The following MYO1E variants were observed in gnomAD, a reference collection of about 807,000 sequenced individuals.
The protein encoded by MYO1E is myosin IE, also known as unconventional myosin-Ie.
MYO1E carries 68 observed loss-of-function variants against 151.1 expected under a neutral mutation model. That is an observed-to-expected ratio of 0.45 (90% confidence interval 0.37 to 0.55). The LOEUF is 0.55. Ranked by LOEUF, MYO1E falls within the 20% of genes least tolerant of loss-of-function variation. The probability of loss-of-function intolerance (pLI) is 0.00; values close to 1 mark genes in which losing one functional copy is unlikely to be tolerated. For synonymous variants in MYO1E, 601 were observed against 501.7 expected, an observed-to-expected ratio of 1.20 and a Z score of -2.64; for missense variants, 1,363 against 1,389.3, an observed-to-expected ratio of 0.98 and a Z score of 0.30.
chr15:59,174,346 C>CG (rs1209822003), intron 19 of MYO1E, 106 bp from the exon 20 acceptor site: 1 of 791,694 alleles, frequency 1.3e-6, no homozygotes, highest in African/African-American at 1.7e-5. Flanking sequence ...ATGACACACA[C>CG]GGGAAGCAGC....
chr15:59,219,365 T>C (rs2079939860), intron 9 of MYO1E, among the ~76,000 whole-genome samples: 1 of 152,272 alleles, frequency 6.6e-6, no homozygotes. Context: ...GGCTGAGTTT[T>C]CTTTTTCTGC....
At chr15:59,319,550 CTTTTTTTT>C (rs59491381) in intron 1 of MYO1E, among the ~76,000 whole-genome samples, 25 of 63,712 alleles carry the variant, frequency 3.9e-4, no homozygotes, top group African/African-American at 8.0e-4. Context: ...GTCAAACTAC[CTTTTTTTT>C]TTTTTTTTTT....
intron 24 of MYO1E, among the ~76,000 whole-genome samples, chr15:59,160,675 T>TCC (rs1384739753): frequency 6.6e-6 from 1 of 152,042 alleles, no homozygotes; most frequent in African/African-American, 2.4e-5. Flanking sequence ...GGCCTTGGCC[T>TCC]CCCAAGGTGC....
chr15:59,326,661 A>T (rs769654527), intron 1 of MYO1E, among the ~76,000 whole-genome samples: 1 of 152,178 alleles, frequency 6.6e-6, no homozygotes, highest in African/African-American at 2.4e-5. Flanking sequence ...CCTAACCAAG[A>T]GATTTACATT....
rs191541306 is a variant in MYO1E, at chr15:59,194,721, A to G, written c.1805+740T>C. Among the ~76,000 whole-genome samples, 15 of 152,282 alleles carry G rather than the reference A, an allele frequency of 9.9e-5. No homozygotes were observed. The East Asian group carries it at 2.7e-3, about 27-fold the overall frequency. On this transcript the variant is annotated intron_variant, in intron 17 of 27. Coordinates refer to ENST00000288235, the MANE Select transcript of MYO1E (RefSeq NM_004998.4). Reference sequence around the variant, plus strand: ...ATGGACAGTGGGATCAGGCCTCTGAACAATGTGTGTCTGGGTCTCCCAGCG... The same window carrying G: ...ATGGACAGTGGGATCAGGCCTCTGAGCAATGTGTGTCTGGGTCTCCCAGCG...
Position 59,218,170 on chromosome 15 carries a change from T to C in MYO1E, c.911-83A>G, listed in dbSNP as rs538894173. Reference sequence around the variant, plus strand: ...TCTCACAAACATATGGAGGCACTTATGTGCACATGCACGTGTGTGTGCATA... The same window carrying C: ...TCTCACAAACATATGGAGGCACTTACGTGCACATGCACGTGTGTGTGCATA... On this transcript the variant is annotated intron_variant, in intron 9 of 27. Coordinates refer to ENST00000288235, the MANE Select transcript of MYO1E (RefSeq NM_004998.4). 46 of 1,511,424 alleles carry C rather than the reference T, an allele frequency of 3.0e-5. 1 individual carries two copies. The South Asian group carries it at 4.1e-4, about 13-fold the overall frequency. 93.6% of individuals were successfully genotyped at this position (1,511,424 alleles called of 1,614,324 possible).
chr15:59,141,959 T>G (rs575094535), intron 26 of MYO1E, among the ~76,000 whole-genome samples: 80 of 151,586 alleles, frequency 5.3e-4, no homozygotes, highest in Non-Finnish European at 1.0e-3. Context: ...TACAAAAAAT[T>G]AGCCGGGCGT....
chr15:59,338,287 T>C (rs2080742293), intron 1 of MYO1E, among the ~76,000 whole-genome samples: 1 of 149,592 alleles, frequency 6.7e-6, no homozygotes, highest in African/African-American at 2.4e-5. Context: ...GTATTGACTT[T>C]TTTTTTTTTT....
intron 13 of MYO1E, among the ~76,000 whole-genome samples, chr15:59,209,532 C>G (rs2079863755): frequency 6.6e-6 from 1 of 151,772 alleles, no homozygotes. Flanking sequence ...AAAAATTAGC[C>G]AGGTGTGGTG....
At chr15:59,187,982 G>A (rs777895076) in intron 18 of MYO1E, 136 bp downstream of exon 18, 6 of 729,868 alleles carry the variant, frequency 8.2e-6, no homozygotes, top group Admixed American at 8.1e-5. Context: ...TAAAATTAAC[G>A]GTGGTGATAG....
Position 59,197,983 on chromosome 15 carries a change from C to T in MYO1E, c.1699-2416G>A, listed in dbSNP as rs894428082. Among the ~76,000 whole-genome samples, 8 of 152,144 alleles carry T rather than the reference C, an allele frequency of 5.3e-5. No homozygotes were observed. The East Asian group carries it at 1.5e-3, about 29-fold the overall frequency. On this transcript the variant is annotated intron_variant, in intron 16 of 27. Transcript: ENST00000288235. ...CTCGAGTGATCCTTCCACCTCAGCC[C>T]TCTGTGTAGCTGGGACTGGAAGCAC...
At chr15:59,160,417 A>G (rs1273478693) in intron 24 of MYO1E, among the ~76,000 whole-genome samples, 1 of 136,980 alleles carries the variant, frequency 7.3e-6, no homozygotes, top group Admixed American at 7.6e-5. Flanking sequence ...CTTTTTTTTA[A>G]TGAGGCAGGG....
chr15:59,261,732 A>C (rs930727174), intron 2 of MYO1E, among the ~76,000 whole-genome samples: 6 of 152,192 alleles, frequency 3.9e-5, no homozygotes, highest in Non-Finnish European at 8.8e-5. Context: ...CTACAAAATG[A>C]AATCATTATT....
At chr15:59,138,929 C>A (rs1176552640) in intron 26 of MYO1E, among the ~76,000 whole-genome samples, 1 of 152,146 alleles carries the variant, frequency 6.6e-6, no homozygotes, top group Non-Finnish European at 1.5e-5. Context: ...TGCTCAACAA[C>A]TGGATGACGT....
intron 14 of MYO1E, chr15:59,207,484 C>T (rs2079845764): frequency 1.9e-6 from 3 of 1,613,892 alleles, no homozygotes; most frequent in Admixed American, 1.7e-5. Context: ...CCACTGCAAA[C>T]TGATTATTGT....
At chr15:59,335,439 G>A (rs1458335847) in intron 1 of MYO1E, among the ~76,000 whole-genome samples, 1 of 152,086 alleles carries the variant, frequency 6.6e-6, no homozygotes, top group Non-Finnish European at 1.5e-5. Flanking sequence ...AGCAAGTGAT[G>A]ATTCTGTGGC....
At chr15:59,143,444 C>T (rs1046105444) in intron 26 of MYO1E, among the ~76,000 whole-genome samples, 5 of 152,134 alleles carry the variant, frequency 3.3e-5, no homozygotes, top group Admixed American at 1.3e-4. Context: ...GTCTTGTGAC[C>T]ACAAAGAGGC....
chr15:59,352,689 A>T (rs572495613), intron 1 of MYO1E, among the ~76,000 whole-genome samples: 137 of 152,334 alleles, frequency 9.0e-4, no homozygotes, highest in African/African-American at 3.2e-3. Flanking sequence ...GATGATATAG[A>T]AGTGGTTTCT....
intron 1 of MYO1E, among the ~76,000 whole-genome samples, chr15:59,291,013 C>T (rs1374205882): frequency 6.6e-6 from 1 of 152,150 alleles, no homozygotes; most frequent in African/African-American, 2.4e-5. Flanking sequence ...AGACGGCATG[C>T]TCGATTTGGG....
Sources: gnomAD v4.1 joint callset for allele counts (sites outside exome capture counted in the v4.1 genomes callset) on GRCh38, gnomAD v4.1.1 for gene constraint, MANE v1.5 for transcripts, NCBI Gene and HGNC (gene_info 2026-07-23, HGNC 2026-07-21) for gene names.